The following ITGA10 variants were observed in gnomAD, a reference collection of about 807,000 sequenced individuals.
ITGA10 encodes integrin subunit alpha 10.
Under a neutral mutation model 145.2 loss-of-function variants are expected in ITGA10, and 105 were observed. The observed-to-expected ratio is 0.72, with a 90% CI of 0.62 to 0.85. The LOEUF (loss-of-function observed/expected upper bound fraction) is 0.85, where lower values mean the gene tolerates loss of function less well. Ranked by LOEUF, ITGA10 falls within the 40% of genes least tolerant of loss-of-function variation. The pLI, the probability that ITGA10 is intolerant of heterozygous loss-of-function variation, is 0.00. For missense variants in ITGA10, 1,317 were observed against 1,444.5 expected, an observed-to-expected ratio of 0.91 and a Z score of 1.43; for synonymous variants, 506 against 557.8, an observed-to-expected ratio of 0.91 and a Z score of 1.31.
In ITGA10 at chr1:145,899,316, G is replaced by A; in HGVS notation, c.1948C>T (p.Pro650Ser). The A allele has an allele frequency of 6.2e-7, 1 of 1,614,108 alleles. No individual in the cohort carries two copies. The highest frequency in any genetic ancestry group is 8.5e-7 in the Non-Finnish European group (1 of 1,180,002). Residue 650 changes from proline (P) to serine (S), a missense_variant, in exon 16 of 30, where the codon CCA (proline) becomes TCA (serine). Physicochemically the swap from Pro to Ser is moderately conservative, Grantham distance 74 (BLOSUM62 -1). Transcript: ENST00000369304. Reference protein sequence around the residue: ...LSSRPIVHLTPSLEVTPQAIS... With the variant: ...LSSRPIVHLTSSLEVTPQAIS... Reference sequence around the variant, plus strand: ...GCCTGTGGGGTCACCTCCAGTGATGGGGTCAGATGGACAATGGGCCGGGAG... The same window carrying A: ...GCCTGTGGGGTCACCTCCAGTGATGAGGTCAGATGGACAATGGGCCGGGAG...
chr1:145,902,552 G>A lies in ITGA10; in HGVS notation c.977C>T (p.Ala326Val), dbSNP rs782522685. ...GAAGAATCGCTCATCTGGATCACTG[G>A]CAATAGTTCTAATTTCTCTCAGGAA... Reference protein sequence around the residue: ...SSFLREIRTIASDPDERFFFN... With the variant: ...SSFLREIRTIVSDPDERFFFN... The change falls in exon 9 of 30, where the codon GCC becomes GTC. Residue 326 changes from alanine (A) to valine (V), a missense_variant. By Grantham distance (64) the Ala-to-Val change is moderately conservative (BLOSUM62 0). Transcript: ENST00000369304. The A allele has an allele frequency of 6.2e-7, 1 of 1,613,882 alleles. No homozygotes were observed. Among genetic ancestry groups the A allele is most frequent in the Non-Finnish European group, 8.5e-7 (1 of 1,179,914 alleles).
Position 145,896,081 on chromosome 1 carries a change from AGCC to A in ITGA10, c.2932_2934del (p.Gly978del), listed in dbSNP as rs781990650. On this transcript the variant is annotated inframe_deletion, in exon 25 of 30. Transcript: ENST00000369304. ...ATGATGAGGCCACTGACCACATAGC[AGCC>A]TAGGTTCTGAACCTAAGAGGAAGGT... The A allele has an allele frequency of 1.9e-6, 3 of 1,614,148 alleles. No individual in the cohort carries two copies. The South Asian group carries it at 3.3e-5, about 18-fold the overall frequency.
At chr1:145,895,423 A>G in intron 26 of ITGA10, 30 bp from the exon 27 acceptor site, 1 of 1,568,676 alleles carries the variant, frequency 6.4e-7, no homozygotes, top group Non-Finnish European at 8.8e-7. Flanking sequence ...GAGACAGATC[A>G]GGACTCTGGG....
At position 145,899,024 on chromosome 1, in the gene ITGA10, A is replaced by C. The variant is rs781981756; in HGVS notation, c.2144T>G (p.Phe715Cys). Residue 715 changes from phenylalanine (F) to cysteine (C), a missense_variant, in exon 17 of 30, where the codon TTT becomes TGT. Physicochemically the swap from Phe to Cys is radical, Grantham distance 205. Transcript: ENST00000369304. The stretch of plus-strand genomic sequence containing the variant: ...GGACAACCTCTGGCCAGAGCCATCA[A>C]ATGCTGCACGTGCCCCAGCAGTCCA... ...DEWTAGARAA[F>C]DGSGQRLSPR... 3 of 1,614,202 alleles carry C rather than the reference A, an allele frequency of 1.9e-6. No individual in the cohort carries two copies. In the South Asian group the frequency reaches 3.3e-5, roughly 18 times the overall value.
intron 5 of ITGA10, 94 bp downstream of exon 5, chr1:145,906,300 G>A: frequency 1.1e-6 from 1 of 887,678 alleles, no homozygotes; most frequent in Non-Finnish European, 1.8e-6. Flanking sequence ...TAGCCATGCA[G>A]GCCCTTTGCC....
chr1:145,897,519 G>A lies in ITGA10; in HGVS notation c.2567C>T (p.Thr856Ile), dbSNP rs1655597458. Residue 856 changes from threonine to isoleucine, a missense_variant, in exon 20 of 30, where the codon ACT becomes ATT. Coordinates refer to ENST00000369304, the MANE Select transcript of ITGA10 (RefSeq NM_003637.5). ...CCCCTCCTCCAAAGGCACCTGAGGA[G>A]TGAGACTGGCCAGGTGGAGGTTTCT... is the stretch of plus-strand genomic sequence containing the variant. ...FSRNLHLASL[T>I]PQRESPIKVE... 1.2e-6 allele frequency: 2 copies of A among 1,613,960 alleles called. No homozygotes were observed. Among genetic ancestry groups the A allele is most frequent in the Non-Finnish European group, 1.7e-6 (2 of 1,180,014 alleles).
In ITGA10 at chr1:145,894,975, GA is replaced by G. The variant is rs781881036; in HGVS notation, c.3228+304del. Among the ~76,000 whole-genome samples the G allele has an allele frequency of 2.9e-3, 432 of 147,892 alleles. 1 individual carries two copies. The highest frequency in any genetic ancestry group is 9.8e-3 in the African/African-American group (398 of 40,412). On this transcript the variant is annotated intron_variant, in intron 27 of 29. Coordinates refer to ENST00000369304, the MANE Select transcript of ITGA10 (RefSeq NM_003637.5). Reference sequence around the variant, plus strand: ...TGATACAGCACTAAGGAATGGTCAGGAAAAAAAAAAGTAATGGTCAGTGGAG... The same window carrying G: ...TGATACAGCACTAAGGAATGGTCAGGAAAAAAAAAGTAATGGTCAGTGGAG...
At position 145,906,729 on chromosome 1, in the gene ITGA10, T is replaced by G. The variant is rs1553751250; in HGVS notation, c.366+4A>C. 3 of 1,603,510 alleles carry G rather than the reference T, an allele frequency of 1.9e-6. No individual in the cohort carries two copies. The highest frequency in any genetic ancestry group is 3.3e-4 in the Middle Eastern group (2 of 6,046). ...ACACTGCCACCACCCTCTCCTTAGCTCACCATGAATCCCCCATCACCATCT... is the reference window on the plus strand; with the variant it reads ...ACACTGCCACCACCCTCTCCTTAGCGCACCATGAATCCCCCATCACCATCT... On this transcript the variant is annotated splice_donor_region_variant and intron_variant, in intron 4 of 29. Transcript: ENST00000369304.
Position 145,907,401 on chromosome 1 carries a change from A to G in ITGA10, c.117T>C (p.Ala39=). ...GTTGTAAGACACTGTATCCAAATTC[A>G]GCTTCTGGTGGCCCTGGGAATAGGC... ...HPRLFPGPPE[A]EFGYSVLQHV... Residue 39 remains alanine, a synonymous_variant, in exon 2 of 30, where the codon GCT becomes GCC. Coordinates refer to ENST00000369304, the MANE Select transcript of ITGA10 (RefSeq NM_003637.5). 1 of 1,614,120 alleles carries G rather than the reference A, an allele frequency of 6.2e-7. No individual in the cohort carries two copies. Among genetic ancestry groups the G allele is most frequent in the Non-Finnish European group, 8.5e-7 (1 of 1,180,014 alleles).
intron 25 of ITGA10, 129 bp downstream of exon 25, chr1:145,895,854 G>A (rs1655318115): frequency 1.1e-5 from 11 of 1,022,358 alleles, no homozygotes; most frequent in Admixed American, 7.0e-5. Context: ...TGTGTAAAAA[G>A]AAAGCCCCCC....
rs1553751099 is a variant in ITGA10, at chr1:145,906,512, G to A, written c.367-4C>T. 1 of 1,612,814 alleles carries A rather than the reference G, an allele frequency of 6.2e-7. No individual in the cohort carries two copies. The highest frequency in any genetic ancestry group is 8.5e-7 in the Non-Finnish European group (1 of 1,178,836). Reference sequence around the variant, plus strand: ...GAGACCAGAGAGGGGCACAGGCCTGGGGATGGGGGAAATAGTTACTCCCAG... The same window carrying A: ...GAGACCAGAGAGGGGCACAGGCCTGAGGATGGGGGAAATAGTTACTCCCAG... On this transcript the variant is annotated splice_polypyrimidine_tract_variant and splice_region_variant and intron_variant, in intron 4 of 29. Transcript: ENST00000369304.
intron 27 of ITGA10, among the ~76,000 whole-genome samples, chr1:145,894,706 C>T: frequency 6.6e-6 from 1 of 152,298 alleles, no homozygotes; most frequent in Non-Finnish European, 1.5e-5. Context: ...CTTCAGAGGC[C>T]TTTCGTAATC....
Position 145,906,444 on chromosome 1 carries a change from C to G in ITGA10, c.431G>C (p.Arg144Pro), listed in dbSNP as rs148231059. 3 of 1,613,976 alleles carry G rather than the reference C, an allele frequency of 1.9e-6. No homozygotes were observed. Among genetic ancestry groups the G allele is most frequent in the African/African-American group, 2.7e-5 (2 of 74,886 alleles). Residue 144 changes from arginine (R) to proline (P), a missense_variant, in exon 5 of 30, where the codon CGT becomes CCT. By Grantham distance (103) the Arg-to-Pro change is moderately radical (BLOSUM62 -2). Coordinates refer to ENST00000369304, the MANE Select transcript of ITGA10 (RefSeq NM_003637.5). ...SSVFSSGICA[R>P]VDASFQPQGS... is the part of the protein sequence containing the mutation. ...CTGAGGCTGGAATGAAGCATCCACA[C>G]GGGCACATATCCCAGAACTGAAGAC...
Position 145,901,812 on chromosome 1 carries a change from C to G in ITGA10, c.1294+65G>C. 6.2e-7 allele frequency: 1 copy of G among 1,600,878 alleles called. No homozygotes were observed. Among genetic ancestry groups the G allele is most frequent in the Non-Finnish European group, 8.5e-7 (1 of 1,171,794 alleles). On this transcript the variant is annotated intron_variant, in intron 11 of 29. Coordinates refer to ENST00000369304, the MANE Select transcript of ITGA10 (RefSeq NM_003637.5). This position sits in a 1 kb window ranked among gnomAD's most constrained non-coding sequence, Gnocchi z 4.3. ...GAGTTAAGAGGGAGTATTTCATACCCGCCCCCACTAGGGATGTATTTCCTC... is the reference window on the plus strand; with the variant it reads ...GAGTTAAGAGGGAGTATTTCATACCGGCCCCCACTAGGGATGTATTTCCTC...
At chr1:145,897,946 G>A (rs1051549608) in intron 18 of ITGA10, 46 bp from the exon 19 acceptor site, 2 of 1,502,566 alleles carry the variant, frequency 1.3e-6, no homozygotes, top group African/African-American at 1.4e-5. Context: ...AAGCAAGGAG[G>A]AAAGGAATAG....
rs782549509 is a variant in ITGA10 at position 145,901,576 on chromosome 1, G to A, written c.1383C>T (p.Ile461=). ...APRFRHRGKV[I]AFQLKKDGAV... Reference sequence around the variant, plus strand: ...CCCCATCTTTCTTAAGCTGGAAGGCGATGACTTTTCCTCGATGTCTAAATC... The same window carrying A: ...CCCCATCTTTCTTAAGCTGGAAGGCAATGACTTTTCCTCGATGTCTAAATC... Residue 461 remains isoleucine, a synonymous_variant, in exon 12 of 30, where the codon ATC becomes ATT. Transcript: ENST00000369304. The surrounding 1 kb of genome is among the most constrained non-coding windows in gnomAD (Gnocchi z 4.3). 21 of 1,607,260 alleles carry A rather than the reference G, an allele frequency of 1.3e-5. No individual in the cohort carries two copies. Among genetic ancestry groups the A allele is most frequent in the Non-Finnish European group, 1.7e-5 (20 of 1,177,350 alleles).
chr1:145,907,054 G>C lies in ITGA10; in HGVS notation c.261C>G (p.Ala87=). 6.4e-7 allele frequency: 1 copy of C among 1,554,062 alleles called. No individual in the cohort carries two copies. Among genetic ancestry groups the C allele is most frequent in the Non-Finnish European group, 8.7e-7 (1 of 1,147,500 alleles). Residue 87 remains alanine, a synonymous_variant, in exon 3 of 30, where the codon GCC becomes GCG. Transcript: ENST00000369304. ...PVGGAHNAPC[A]KGHLGDYQLG... is the part of the protein sequence containing the mutation. ...GCATCTTCTCACCTAAGTGGCCCTT[G>C]GCACATGGGGCATTGTGGGCCCCCC... is the stretch of plus-strand genomic sequence containing the variant.
intron 15 of ITGA10, 111 bp from the exon 16 acceptor site, chr1:145,899,452 C>T (rs1198465763): frequency 7.8e-6 from 9 of 1,157,250 alleles, no homozygotes; most frequent in Non-Finnish European, 1.0e-5. Context: ...GGGCTGAATG[C>T]ACATGTCACC....
chr1:145,899,228 G>A lies in ITGA10; in HGVS notation c.2036C>T (p.Ala679Val). The A allele has an allele frequency of 1.2e-6, 2 of 1,614,220 alleles. No individual in the cohort carries two copies. The highest frequency in any genetic ancestry group is 1.7e-6 in the Non-Finnish European group (2 of 1,180,042). ...ACGGGAGGTCACTTGGAAGCAAAGG[G>A]CTGCAGTCAGACAGACTGCCTCTTG... ...RGQEAVCLTA[A>V]LCFQVTSRTP... The change falls in exon 16 of 30, where the codon GCC becomes GTC. Residue 679 changes from alanine (A) to valine (V), a missense_variant. Ala to Val is a moderately conservative substitution (Grantham distance 64). Transcript: ENST00000369304.
Sources: gnomAD v4.1 joint callset for allele counts (sites outside exome capture counted in the v4.1 genomes callset) on GRCh38, gnomAD v4.1.1 for gene constraint, Gnocchi (gnomAD v3.1) non-coding constraint, MANE v1.5 for transcripts, NCBI Gene and HGNC (gene_info 2026-07-23, HGNC 2026-07-21) for gene names.